The following FUT8 variants were observed in gnomAD, a reference collection of about 807,000 sequenced individuals.
FUT8 encodes the protein fucosyltransferase 8.
FUT8 carries 29 observed loss-of-function variants against 71.3 expected under a neutral mutation model. That is an observed-to-expected ratio of 0.41 (90% CI 0.30 to 0.55). The LOEUF (loss-of-function observed/expected upper bound fraction) is 0.55, where lower values mean the gene tolerates loss of function less well. FUT8 is among the 20% of genes least tolerant of loss of function. The probability of loss-of-function intolerance (pLI) is 0.34; values close to 1 mark genes in which losing one functional copy is unlikely to be tolerated. For missense variants in FUT8, 544 were observed against 702.1 expected (o/e 0.77, Z 2.55); for synonymous variants, 254 against 239.3 (o/e 1.06, Z -0.57).
rs532621910 is a variant in FUT8, at chr14:65,445,136, G to A, written c.-325-10485G>A. On this transcript the variant is annotated intron_variant, in intron 1 of 10. Coordinates refer to ENST00000673929, the MANE Select transcript of FUT8 (RefSeq NM_001371533.1). ...GCAGAGAATTGCCTAAACCTGCGAG[G>A]CAGAGGATGCAGTGAGCCGAGATCA... 2.6e-5 allele frequency among the ~76,000 whole-genome samples: 4 copies of A among 152,210 alleles called. No individual in the cohort carries two copies. The East Asian group carries it at 7.7e-4, about 29-fold the overall frequency.
chr14:65,659,157 GA>G (rs1390503316), intron 6 of FUT8, among the ~76,000 whole-genome samples: 3 of 152,032 alleles, frequency 2.0e-5, no homozygotes, highest in African/African-American at 7.2e-5. Flanking sequence ...GGTGGTTTGA[GA>G]AAGGTGATCT....
chr14:65,630,247 T>G (rs1170304237), intron 6 of FUT8, among the ~76,000 whole-genome samples: 1 of 152,230 alleles, frequency 6.6e-6, no homozygotes, highest in Non-Finnish European at 1.5e-5. Flanking sequence ...AAGATTTTAC[T>G]TATTTGTTTT....
chr14:65,402,259 T>C, the FUT8 span, among the ~76,000 whole-genome samples: 1 of 147,578 alleles, frequency 6.8e-6, no homozygotes, highest in Middle Eastern at 3.3e-3. Flanking sequence ...GCTGGAATGC[T>C]GTGCATGAAC....
chr14:65,552,990 C>G (rs969029600), intron 2 of FUT8, among the ~76,000 whole-genome samples: 1 of 152,046 alleles, frequency 6.6e-6, no homozygotes, highest in South Asian at 2.1e-4. Flanking sequence ...GGGTCTTGCT[C>G]TGTCACCCAT....
Position 65,677,160 on chromosome 14 carries a change from G to T in FUT8, c.835+7680G>T, listed in dbSNP as rs1183559337. On this transcript the variant is annotated intron_variant, in intron 7 of 10. Transcript: ENST00000673929. ...TGTGTGTGTGTGTGTGTGCGCGCGC[G>T]CATGCGCGCGCACGTATGTGTGTGC... Among the ~76,000 whole-genome samples the T allele has an allele frequency of 2.2e-4, 25 of 115,020 alleles. 1 individual carries two copies. In the South Asian group the frequency reaches 5.2e-3, roughly 24 times the overall value. 75.5% of individuals were successfully genotyped at this position (115,020 alleles called of 152,430 possible).
intron 2 of FUT8, among the ~76,000 whole-genome samples, chr14:65,534,289 A>G (rs1048899605): frequency 2.6e-5 from 4 of 151,696 alleles, no homozygotes; most frequent in African/African-American, 9.7e-5. Flanking sequence ...TGCCTGGCTA[A>G]TTTTTATTTT....
rs1043316809 is a variant in FUT8 at position 65,733,331 on chromosome 14, A to G, written c.1360A>G (p.Ile454Val). The G allele has an allele frequency of 8.7e-6, 14 of 1,608,936 alleles. No homozygotes were observed. Among genetic ancestry groups the G allele is most frequent in the East Asian group, 4.5e-5 (2 of 44,624 alleles). ...ENSLRGVILD[I>V]HFLSQADFLV... ...TTCACTTCGTGGAGTGATCCTGGATATACATTTTCTCTCTCAGGCAGACTT... is the reference window on the plus strand; with the variant it reads ...TTCACTTCGTGGAGTGATCCTGGATGTACATTTTCTCTCTCAGGCAGACTT... The change falls in exon 10 of 11, where the codon ATA becomes GTA. Residue 454 changes from isoleucine to valine, a missense_variant. Transcript: ENST00000673929.
chr14:65,489,277 T>C lies in FUT8; in HGVS notation c.-228+33559T>C, dbSNP rs2066450843. On this transcript the variant is annotated intron_variant, in intron 2 of 10. Transcript: ENST00000673929. This position sits in a 1 kb window ranked among gnomAD's most constrained non-coding sequence, Gnocchi z 4.0. Reference sequence around the variant, plus strand: ...ACTTTGTTCCCTAACCTCATTCTCCTCCACCTGTAACAATGGTGAATATGA... The same window carrying C: ...ACTTTGTTCCCTAACCTCATTCTCCCCCACCTGTAACAATGGTGAATATGA... Among the ~76,000 whole-genome samples, 1 of 152,120 alleles carries C rather than the reference T, an allele frequency of 6.6e-6. No homozygotes were observed. Among genetic ancestry groups the C allele is most frequent in the African/African-American group, 2.4e-5 (1 of 41,456 alleles).
At chr14:65,554,924 A>G (rs1343881578) in intron 2 of FUT8, among the ~76,000 whole-genome samples, 3 of 152,014 alleles carry the variant, frequency 2.0e-5, no homozygotes, top group Admixed American at 6.6e-5. Context: ...TTTTATTTTG[A>G]CAGGCAGATA....
At chr14:65,365,041 C>G in the FUT8 span, among the ~76,000 whole-genome samples, 2 of 152,140 alleles carry the variant, frequency 1.3e-5, no homozygotes, top group African/African-American at 4.8e-5. Context: ...AATCTATTCT[C>G]CCTCACTCTA....
At chr14:65,573,093 CTG>C (rs1886572613) in intron 3 of FUT8, among the ~76,000 whole-genome samples, 1 of 151,968 alleles carries the variant, frequency 6.6e-6, no homozygotes, top group Non-Finnish European at 1.5e-5. Flanking sequence ...ATAGGGAAGT[CTG>C]TGTATTTGGA....
At chr14:65,629,679 T>G in intron 6 of FUT8, 73 bp downstream of exon 6, 1 of 1,072,452 alleles carries the variant, frequency 9.3e-7, no homozygotes, top group South Asian at 1.3e-5. Context: ...AGTAATAATT[T>G]CAGTTGTTTT....
chr14:65,526,385 C>T (rs904590438), intron 2 of FUT8, among the ~76,000 whole-genome samples: 7 of 151,958 alleles, frequency 4.6e-5, no homozygotes, highest in Non-Finnish European at 1.0e-4. Flanking sequence ...GGATTGCAAC[C>T]CCTGCCTTTT....
chr14:65,365,190 C>G, the FUT8 span, among the ~76,000 whole-genome samples: 1 of 152,224 alleles, frequency 6.6e-6, no homozygotes, highest in South Asian at 2.1e-4. Flanking sequence ...AGGCAGCCTA[C>G]TGCTAGACCC....
intron 7 of FUT8, among the ~76,000 whole-genome samples, chr14:65,672,230 T>C (rs952937895): frequency 5.3e-5 from 8 of 152,196 alleles, no homozygotes; most frequent in African/African-American, 1.7e-4. Flanking sequence ...AATCAAAATA[T>C]TTCCCATCAC....
intron 5 of FUT8, among the ~76,000 whole-genome samples, chr14:65,617,443 T>C (rs1322633056): frequency 6.6e-6 from 1 of 152,224 alleles, no homozygotes; most frequent in Non-Finnish European, 1.5e-5. Context: ...AACCAAATGC[T>C]GACTAATTCT....
At chr14:65,506,330 T>C (rs2066733236) in intron 2 of FUT8, among the ~76,000 whole-genome samples, 1 of 152,234 alleles carries the variant, frequency 6.6e-6, no homozygotes, top group Non-Finnish European at 1.5e-5. Context: ...TTTAGCTGTA[T>C]TTCTTGCTAT....
At position 65,650,019 on chromosome 14, in the gene FUT8, G is replaced by A. The variant is rs1391232614; in HGVS notation, c.598-19224G>A. Among the ~76,000 whole-genome samples the A allele has an allele frequency of 2.0e-5, 3 of 152,140 alleles. No individual in the cohort carries two copies. In the East Asian group the frequency reaches 5.8e-4, roughly 29 times the overall value. On this transcript the variant is annotated intron_variant, in intron 6 of 10. Coordinates refer to ENST00000673929, the MANE Select transcript of FUT8 (RefSeq NM_001371533.1). Reference sequence around the variant, plus strand: ...CACTGCTATAAAGAAATACCTGGCTGGGTGCGGTGGCTCACGCCTGTAATG... The same window carrying A: ...CACTGCTATAAAGAAATACCTGGCTAGGTGCGGTGGCTCACGCCTGTAATG...
chr14:65,436,870 C>T (rs1355198565), intron 1 of FUT8, among the ~76,000 whole-genome samples: 7 of 152,028 alleles, frequency 4.6e-5, no homozygotes, highest in African/African-American at 7.2e-5. Flanking sequence ...TTGAGTACTA[C>T]CAAATGATGC....
Sources: allele counts gnomAD v4.1 joint callset (sites outside exome capture counted in the v4.1 genomes callset), GRCh38; gene constraint gnomAD v4.1.1; non-coding constraint Gnocchi (gnomAD v3.1); transcripts MANE v1.5; gene names NCBI Gene and HGNC (gene_info 2026-07-23, HGNC 2026-07-21).